DOCK1: variants seen among roughly 807,000 people sequenced by gnomAD.
DOCK1 encodes the protein dedicator of cytokinesis protein 1.
Under a neutral mutation model 262.7 loss-of-function variants are expected in DOCK1, and 138 were observed. That is an observed-to-expected ratio of 0.53 (90% CI 0.46 to 0.61). The LOEUF is 0.61. Among genes scored for constraint, DOCK1 ranks in the 20% least tolerant of loss-of-function variants. DOCK1 has a pLI of 0.00. For missense variants in DOCK1, 1,908 were observed against 2,370.7 expected, an observed-to-expected ratio of 0.80 and a Z score of 4.05; for synonymous variants, 866 against 867.4, an observed-to-expected ratio of 1.00 and a Z score of 0.03.
chr10:126,932,696 C>T (rs1239709569), intron 1 of DOCK1, among the ~76,000 whole-genome samples: 2 of 152,090 alleles, frequency 1.3e-5, no homozygotes, highest in Non-Finnish European at 2.9e-5. Context: ...GGTGGACCGT[C>T]GCTGAAGTAC....
At chr10:127,168,815 C>G (rs931991928) in intron 27 of DOCK1, among the ~76,000 whole-genome samples, 2 of 152,208 alleles carry the variant, frequency 1.3e-5, no homozygotes, top group African/African-American at 4.8e-5. Flanking sequence ...CGTTTATGCA[C>G]AGCTGCTGCA....
At chr10:127,254,047 C>T (rs181083665) in intron 28 of DOCK1, among the ~76,000 whole-genome samples, 3 of 152,208 alleles carry the variant, frequency 2.0e-5, no homozygotes, top group East Asian at 3.9e-4. Context: ...GTTCAGCAAA[C>T]GTCTCTGGGG....
At chr10:127,061,929 C>CTTTTT (rs562310710) in intron 23 of DOCK1, among the ~76,000 whole-genome samples, 153 bp downstream of exon 23, 12 of 71,794 alleles carry the variant, frequency 1.7e-4, no homozygotes, top group African/African-American at 3.2e-4. Flanking sequence ...AAGAGCTGTG[C>CTTTTT]TTTTTTTTTT....
intron 1 of DOCK1, among the ~76,000 whole-genome samples, chr10:126,952,568 T>C (rs1408873488): frequency 2.2e-5 from 3 of 138,360 alleles, no homozygotes; most frequent in Non-Finnish European, 4.8e-5. Flanking sequence ...GTGGTAGTGT[T>C]GTTGGTGATG....
At chr10:127,057,460 T>A (rs2045237681) in intron 22 of DOCK1, among the ~76,000 whole-genome samples, 2 of 152,240 alleles carry the variant, frequency 1.3e-5, no homozygotes, top group Non-Finnish European at 2.9e-5. Context: ...CTTATGTTGT[T>A]AACTTACTAT....
intron 29 of DOCK1, among the ~76,000 whole-genome samples, chr10:127,260,495 A>G (rs2059986213): frequency 6.6e-6 from 1 of 152,208 alleles, no homozygotes; most frequent in Admixed American, 6.5e-5. Context: ...CTTCTAATCA[A>G]GGATTCCAGT....
intron 13 of DOCK1, among the ~76,000 whole-genome samples, chr10:127,020,459 A>G (rs1369352194): frequency 1.3e-5 from 2 of 151,820 alleles, no homozygotes; most frequent in African/African-American, 4.8e-5. Flanking sequence ...AGCAGGTACT[A>G]GGGAGGCTGA....
intron 27 of DOCK1, among the ~76,000 whole-genome samples, chr10:127,166,176 C>T (rs945160558): frequency 1.3e-5 from 2 of 152,190 alleles, no homozygotes; most frequent in Admixed American, 6.5e-5. Context: ...CTCCATTCTC[C>T]TGCCTCAGCC....
At chr10:126,920,645 A>G (rs2033089761) in intron 1 of DOCK1, among the ~76,000 whole-genome samples, 1 of 152,230 alleles carries the variant, frequency 6.6e-6, no homozygotes, top group Non-Finnish European at 1.5e-5. Flanking sequence ...ACAGATTGGC[A>G]AGCTTTTTCT....
At chr10:127,069,960 G>A (rs928007631) in intron 23 of DOCK1, among the ~76,000 whole-genome samples, 2 of 152,162 alleles carry the variant, frequency 1.3e-5, no homozygotes, top group African/African-American at 4.8e-5. Context: ...TGGCGGCAGG[G>A]CAGGTTCCTT....
intron 14 of DOCK1, among the ~76,000 whole-genome samples, chr10:127,023,708 G>C (rs1348587423): frequency 1.3e-5 from 2 of 151,972 alleles, no homozygotes; most frequent in Admixed American, 1.3e-4. Flanking sequence ...AAGGTGCTGG[G>C]ATTACAGGCG....
intron 33 of DOCK1, among the ~76,000 whole-genome samples, chr10:127,373,129 A>G (rs977281995): frequency 3.3e-5 from 5 of 152,192 alleles, no homozygotes; most frequent in Non-Finnish European, 7.3e-5. Context: ...TGGATCTGAG[A>G]CATAATTAGC....
intron 1 of DOCK1, among the ~76,000 whole-genome samples, chr10:126,948,859 G>T (rs1013638837): frequency 6.6e-6 from 1 of 152,078 alleles, no homozygotes; most frequent in Admixed American, 6.5e-5. Flanking sequence ...TGAGGTTGGG[G>T]ATATGTGTGC....
chr10:127,053,427 C>T lies in DOCK1; in HGVS notation c.2336+612C>T, dbSNP rs143045392. Among the ~76,000 whole-genome samples, 332 of 152,340 alleles carry T rather than the reference C, an allele frequency of 2.2e-3. 4 individuals carry two copies. Among genetic ancestry groups the T allele is most frequent in the South Asian group, 0.013 (63 of 4,828 alleles). On this transcript the variant is annotated intron_variant, in intron 22 of 51. Transcript: ENST00000623213. Reference sequence around the variant, plus strand: ...CTTGGGCAGACTCTGGGATTTCCTCCTCCTCTTTTCCTCAGTAGAGTGATG... The same window carrying T: ...CTTGGGCAGACTCTGGGATTTCCTCTTCCTCTTTTCCTCAGTAGAGTGATG...
intron 1 of DOCK1, among the ~76,000 whole-genome samples, chr10:126,956,490 C>T (rs2036748863): frequency 6.6e-6 from 1 of 152,108 alleles, no homozygotes; most frequent in African/African-American, 2.4e-5. Flanking sequence ...AGGAGCTGGG[C>T]CCGGCTGAGC....
intron 27 of DOCK1, among the ~76,000 whole-genome samples, chr10:127,155,617 A>C (rs1337664851): frequency 6.6e-6 from 1 of 151,422 alleles, no homozygotes; most frequent in Non-Finnish European, 1.5e-5. Context: ...TGTAGTCCTT[A>C]CCCCTTTCCT....
rs138367342 is a variant in DOCK1, at chr10:127,182,282, C to T, written c.2847+54518C>T. ...TTCAGCCCCCACTCATGCATATCTG[C>T]GGTTTTAGAAAACACTCTTAACGAA... On this transcript the variant is annotated intron_variant, in intron 27 of 51. Coordinates refer to ENST00000623213, the MANE Select transcript of DOCK1 (RefSeq NM_001290223.2). Among the ~76,000 whole-genome samples, 1,140 of 152,238 alleles carry T rather than the reference C, an allele frequency of 7.5e-3. 6 individuals carry two copies. Among genetic ancestry groups the T allele is most frequent in the African/African-American group, 0.017 (700 of 41,544 alleles).
chr10:127,450,145 A>T (rs147948366), intron 51 of DOCK1, among the ~76,000 whole-genome samples: 32 of 152,208 alleles, frequency 2.1e-4, no homozygotes, highest in African/African-American at 7.0e-4. Flanking sequence ...AAGGTCATAC[A>T]CTCATAGGAC....
In DOCK1 at chr10:126,924,556, C is replaced by T. The variant is rs531283085; in HGVS notation, c.46+18993C>T. ...TAAAAAAGGCAAACGGCCCTTGAAA[C>T]GGCAGGGTGGGGAGAGTTGACCAAA... On this transcript the variant is annotated intron_variant, in intron 1 of 51. Transcript: ENST00000623213. Among the ~76,000 whole-genome samples, 273 of 152,300 alleles carry T rather than the reference C, an allele frequency of 1.8e-3. 1 individual carries two copies. Among genetic ancestry groups the T allele is most frequent in the African/African-American group, 5.9e-3 (247 of 41,564 alleles).
Sources: gnomAD v4.1 joint callset for allele counts (sites outside exome capture counted in the v4.1 genomes callset) on GRCh38, gnomAD v4.1.1 for gene constraint, MANE v1.5 for transcripts, NCBI Gene and HGNC (gene_info 2026-07-23, HGNC 2026-07-21) for gene names.